Variants in TXNDC9 observed in about 807,000 individuals in gnomAD.
TXNDC9 encodes the protein thioredoxin domain containing 9, also known as thioredoxin domain-containing protein 9.
Under a neutral mutation model 23.0 loss-of-function variants are expected in TXNDC9, and 7 were observed. That is an observed-to-expected ratio of 0.30 (90% CI 0.17 to 0.57). The LOEUF is 0.57. Ranked by LOEUF, TXNDC9 falls within the 20% of genes least tolerant of loss-of-function variation. The probability of loss-of-function intolerance (pLI) is 0.90; values close to 1 mark genes in which losing one functional copy is unlikely to be tolerated. For missense variants in TXNDC9, 198 were observed against 252.6 expected (o/e 0.78, Z 1.47); for synonymous variants, 72 against 90.6 (o/e 0.79, Z 1.17).
intron 2 of TXNDC9, 126 bp from the exon 3 acceptor site, chr2:99,327,779 TTG>T: frequency 8.3e-6 from 5 of 600,956 alleles, no homozygotes; most frequent in East Asian, 3.2e-5. Flanking sequence ...AGTTTTTTTT[TTG>T]TTTGTTTTTG....
At chr2:99,319,856 T>G (rs2094197410) in intron 4 of TXNDC9, 57 bp from the exon 5 acceptor site, 2 of 1,034,498 alleles carry the variant, frequency 1.9e-6, no homozygotes, top group Admixed American at 2.7e-5. Context: ...TATACTAAAC[T>G]GCACAAAAAT....
At chr2:99,316,902 G>A (rs1015315759), downstream of TXNDC9, among the ~76,000 whole-genome samples, 13 of 152,028 alleles carry the variant, frequency 8.6e-5, no homozygotes, top group African/African-American at 1.9e-4. Flanking sequence ...GACTACAGGC[G>A]CCCGCCACCA....
downstream of TXNDC9, among the ~76,000 whole-genome samples, chr2:99,317,997 TC>T: frequency 6.6e-6 from 1 of 152,332 alleles, no homozygotes; most frequent in East Asian, 1.9e-4. Context: ...TTCAAGCGAT[TC>T]CCATGACTCA....
intron 2 of TXNDC9, among the ~76,000 whole-genome samples, chr2:99,331,916 G>C (rs1346440470): frequency 6.6e-6 from 1 of 152,060 alleles, no homozygotes; most frequent in Admixed American, 6.6e-5. Context: ...TTTTTGTAGA[G>C]ACAGGGTTTC....
intron 3 of TXNDC9, among the ~76,000 whole-genome samples, chr2:99,323,840 A>T (rs1473184967): frequency 6.6e-6 from 1 of 152,068 alleles, no homozygotes; most frequent in Non-Finnish European, 1.5e-5. Flanking sequence ...CATTATGATC[A>T]ACTTTTATTT....
intron 2 of TXNDC9, 128 bp from the exon 3 acceptor site, chr2:99,327,781 GTTTGTT>G (rs2094216105): frequency 3.8e-6 from 2 of 529,680 alleles, no homozygotes; most frequent in Non-Finnish European, 6.4e-6. Flanking sequence ...TTTTTTTTTT[GTTTGTT>G]TTTGTTTTTT....
At chr2:99,332,690 C>T (rs1042468539) in intron 2 of TXNDC9, 1 of 225,220 alleles carries the variant, frequency 4.4e-6, no homozygotes, top group African/African-American at 2.3e-5. Flanking sequence ...ATCTCGTTTG[C>T]TTTGAAAATA....
rs2094240397 is a variant in TXNDC9 at position 99,336,305 on chromosome 2, T to C, written c.-99A>G. On this transcript the variant is annotated 5_prime_UTR_variant, in exon 1 of 5. Coordinates refer to ENST00000264255, the MANE Select transcript of TXNDC9 (RefSeq NM_005783.4). ...TTCAAAAGACACGTCCACTCCGGCT[T>C]TTGCCTTGCAGTAGCTGCCGGCGGC... The C allele has an allele frequency of 5.1e-6, 5 of 985,186 alleles. No homozygotes were observed. Among genetic ancestry groups the C allele is most frequent in the African/African-American group, 3.5e-5 (2 of 57,186 alleles). The allele number at this position is 985,186 out of a possible 1,614,324, so 61.0% of individuals were successfully genotyped here.
chr2:99,335,756 G>A (rs1228108674), intron 1 of TXNDC9, among the ~76,000 whole-genome samples: 1 of 152,198 alleles, frequency 6.6e-6, no homozygotes, highest in Non-Finnish European at 1.5e-5. Flanking sequence ...GGAAAAAGAC[G>A]AGATTAAGAA....
chr2:99,317,870 C>T (rs552662834), downstream of TXNDC9, among the ~76,000 whole-genome samples: 1 of 152,168 alleles, frequency 6.6e-6, no homozygotes, highest in East Asian at 1.9e-4. Flanking sequence ...TGAGGCTTGT[C>T]TTAAACCTAG....
intron 2 of TXNDC9, among the ~76,000 whole-genome samples, chr2:99,331,038 T>C (rs1257365927): frequency 1.3e-5 from 2 of 152,242 alleles, no homozygotes; most frequent in Non-Finnish European, 2.9e-5. Context: ...GACCACTGTT[T>C]TGAACTGCCA....
At chr2:99,335,917 G>T (rs1181896091) in intron 1 of TXNDC9, among the ~76,000 whole-genome samples, 1 of 152,202 alleles carries the variant, frequency 6.6e-6, no homozygotes, top group Non-Finnish European at 1.5e-5. Context: ...GGGACACAGC[G>T]CGTCCTCAAA....
the TXNDC9 span, among the ~76,000 whole-genome samples, chr2:99,310,736 A>G: frequency 8.3e-3 from 1,260 of 152,192 alleles, 17 homozygotes; most frequent in African/African-American, 0.028. Flanking sequence ...AGATAGAGGG[A>G]AGGGGCCAGG....
chr2:99,333,815 C>T (rs952903789), intron 1 of TXNDC9, among the ~76,000 whole-genome samples: 2 of 152,186 alleles, frequency 1.3e-5, no homozygotes, highest in African/African-American at 4.8e-5. Flanking sequence ...GTTCCCTGAG[C>T]ATTAATGTCC....
At chr2:99,334,124 G>A (rs1261348750) in intron 1 of TXNDC9, among the ~76,000 whole-genome samples, 2 of 152,244 alleles carry the variant, frequency 1.3e-5, no homozygotes. Flanking sequence ...GCCAAGGTGG[G>A]CAGATCACTT....
chr2:99,329,347 G>A (rs866394635), intron 2 of TXNDC9, among the ~76,000 whole-genome samples: 2 of 152,114 alleles, frequency 1.3e-5, no homozygotes, highest in African/African-American at 4.8e-5. Flanking sequence ...TACTCTTCCA[G>A]GATATCAACT....
At position 99,333,194 on chromosome 2, in the gene TXNDC9, G is replaced by A. The variant is rs1331225838; in HGVS notation, c.17C>T (p.Ser6Phe). 1 of 1,614,042 alleles carries A rather than the reference G, an allele frequency of 6.2e-7. No individual in the cohort carries two copies. Among genetic ancestry groups the A allele is most frequent in the Admixed American group, 1.7e-5 (1 of 60,002 alleles). Residue 6 changes from serine (S) to phenylalanine (F), a missense_variant, in exon 2 of 5, where the codon TCT becomes TTT. Transcript: ENST00000264255. ...CAGGACTTTGGAAAACATGTCAACA[G>A]ATGCATCAGCTTCCATTCTTCCAAA... MEADASVDMFSKVLEH... is the reference protein window; with the variant it reads MEADAFVDMFSKVLEH...
Position 99,333,202 on chromosome 2 carries a change from A to G in TXNDC9, c.9T>C (p.Ala3=). Reference sequence around the variant, plus strand: ...TGGAAAACATGTCAACAGATGCATCAGCTTCCATTCTTCCAAATGGTACAG... The same window carrying G: ...TGGAAAACATGTCAACAGATGCATCGGCTTCCATTCTTCCAAATGGTACAG... ME[A]DASVDMFSKV... Residue 3 remains alanine, a synonymous_variant, in exon 2 of 5, where the codon GCT becomes GCC. Transcript: ENST00000264255. 6.2e-7 allele frequency: 1 copy of G among 1,613,910 alleles called. No individual in the cohort carries two copies. The highest frequency in any genetic ancestry group is 8.5e-7 in the Non-Finnish European group (1 of 1,179,872).
At chr2:99,334,289 G>A (rs1018303795) in intron 1 of TXNDC9, among the ~76,000 whole-genome samples, 1 of 152,080 alleles carries the variant, frequency 6.6e-6, no homozygotes, top group African/African-American at 2.4e-5. Flanking sequence ...AGGAGGCAGA[G>A]GTTGCAGTGG....
Sources: allele counts gnomAD v4.1 joint callset (sites outside exome capture counted in the v4.1 genomes callset), GRCh38; gene constraint gnomAD v4.1.1; transcripts MANE v1.5; gene names NCBI Gene and HGNC (gene_info 2026-07-23, HGNC 2026-07-21).